ELN: variants seen among roughly 807,000 people sequenced by gnomAD.
ELN encodes tropoelastin.
Under a neutral mutation model 105.8 loss-of-function variants are expected in ELN, and 65 were observed. That is an observed-to-expected ratio of 0.61 (90% CI 0.50 to 0.75). The LOEUF (loss-of-function observed/expected upper bound fraction) is 0.75, where lower values mean the gene tolerates loss of function less well. Ranked by LOEUF, ELN falls within the 30% of genes least tolerant of loss-of-function variation. The pLI is 0.00. For missense variants in ELN, 882 were observed against 969.4 expected (o/e 0.91, Z 1.20); for synonymous variants, 368 against 389.2 (o/e 0.95, Z 0.64).
At chr7:74,039,245 G>A (rs1790633072) in intron 4 of ELN, among the ~76,000 whole-genome samples, 1 of 152,230 alleles carries the variant, frequency 6.6e-6, no homozygotes, top group South Asian at 2.1e-4. Context: ...GAAAGATTTA[G>A]GTTAGACTTC....
At chr7:74,046,134 C>G in intron 10 of ELN, 54 bp from the exon 11 acceptor site, 1 of 1,612,904 alleles carries the variant, frequency 6.2e-7, no homozygotes, top group South Asian at 1.1e-5. Context: ...TTGGTGCTGT[C>G]TGGCCCAGTG....
chr7:74,065,763 T>C, intron 30 of ELN, 31 bp downstream of exon 30: 1 of 1,614,016 alleles, frequency 6.2e-7, no homozygotes, highest in African/African-American at 1.3e-5. Flanking sequence ...TTCCTGCCAG[T>C]GGCCTGCACC....
chr7:74,063,032 G>A lies in ELN; in HGVS notation c.1787-121G>A. The stretch of plus-strand genomic sequence containing the variant: ...AAACAAAATATGGACTGGACTTCCT[G>A]TCCACTGCTCCTCCACAGTGTCACA... On this transcript the variant is annotated intron_variant, in intron 26 of 32. Transcript: ENST00000252034. The surrounding 1 kb of genome is among the most constrained non-coding windows in gnomAD (Gnocchi z 4.1). 3.9e-6 allele frequency: 5 copies of A among 1,267,350 alleles called. No homozygotes were observed. In the South Asian group the frequency reaches 5.5e-5, roughly 14 times the overall value. 78.5% of individuals were successfully genotyped at this position (1,267,350 alleles called of 1,614,324 possible).
intron 17 of ELN, chr7:74,052,649 G>A (rs1794308658): frequency 6.2e-6 from 1 of 161,984 alleles, no homozygotes; most frequent in South Asian, 1.4e-4. Context: ...AAAGAAGGAA[G>A]GAAGGAAGGA....
Position 74,029,720 on chromosome 7 carries a change from G to A in ELN, c.82+1451G>A, listed in dbSNP as rs1037009041. ...GCCTGAAAGCAGCAGCCCCGGGTCCGTCTCAGCCTCCTCCCCAGGTGTAGC... is the reference window on the plus strand; with the variant it reads ...GCCTGAAAGCAGCAGCCCCGGGTCCATCTCAGCCTCCTCCCCAGGTGTAGC... On this transcript the variant is annotated intron_variant, in intron 1 of 32. Coordinates refer to ENST00000252034, the MANE Select transcript of ELN (RefSeq NM_000501.4). Among the ~76,000 whole-genome samples, 8 of 152,350 alleles carry A rather than the reference G, an allele frequency of 5.3e-5. No homozygotes were observed. The South Asian group carries it at 8.3e-4, about 16-fold the overall frequency.
intron 14 of ELN, 90 bp from the exon 15 acceptor site, chr7:74,048,413 G>A: frequency 4.4e-6 from 7 of 1,592,804 alleles, no homozygotes; most frequent in Non-Finnish European, 6.0e-6. Context: ...ACATGTCAGT[G>A]GATTGGCTCT....
Position 74,052,887 on chromosome 7 carries a change from G to GAGAA in ELN, c.950-260_950-257dup, listed in dbSNP as rs542395457. The GAGAA allele has an allele frequency of 8.1e-3, 4,074 of 502,424 alleles. 24 individuals are homozygous for GAGAA. The highest frequency in any genetic ancestry group is 0.011 in the Non-Finnish European group (2,961 of 278,894). The allele number at this position is 502,424 out of a possible 1,614,324, so 31.1% of individuals were successfully genotyped here. A position where few individuals can be genotyped will look rare whatever the true frequency, so the allele number is the denominator to read the frequency against. ...AAAGAAAGAAAGAGAGAGAGAGAGA[G>GAGAA]AGAAAGAAAGAAAGAAAGAGAAAGG... On this transcript the variant is annotated intron_variant, in intron 17 of 32. Transcript: ENST00000252034.
At chr7:74,042,780 C>A (rs1016970286) in intron 6 of ELN, 74 bp downstream of exon 6, 2 of 1,580,660 alleles carry the variant, frequency 1.3e-6, no homozygotes, top group Non-Finnish European at 1.7e-6. Context: ...AAAGAACCTT[C>A]CCTCAACTCA....
chr7:74,042,548 G>A (rs1029664044), intron 5 of ELN, 66 bp from the exon 6 acceptor site: 6 of 1,471,906 alleles, frequency 4.1e-6, no homozygotes, highest in Non-Finnish European at 5.7e-6. Context: ...AGCCAGGCAG[G>A]GCCAGAGCGT....
At chr7:74,057,995 C>T (rs1554681433) in intron 22 of ELN, among the ~76,000 whole-genome samples, 1 of 151,988 alleles carries the variant, frequency 6.6e-6, no homozygotes, top group African/African-American at 2.4e-5. Flanking sequence ...CCTTGAGGGA[C>T]TCCAGTTCTC....
intron 4 of ELN, 97 bp downstream of exon 4, chr7:74,037,836 G>T: frequency 6.5e-7 from 1 of 1,540,924 alleles, no homozygotes; most frequent in South Asian, 1.2e-5. Context: ...CTAGGAACAG[G>T]ACAAGGAAGC....
In ELN at chr7:74,060,282, C is replaced by T. The variant is rs2132311871; in HGVS notation, c.1622-94C>T. 1.9e-6 allele frequency: 3 copies of T among 1,613,938 alleles called. No individual in the cohort carries two copies. In the South Asian group the frequency reaches 3.3e-5, roughly 18 times the overall value. ...GAGGCCGCTGCTTGGATCTGGGCCC[C>T]TTCCTCTGGGACTAGGCTCAGCTCC... On this transcript the variant is annotated intron_variant, in intron 24 of 32. Coordinates refer to ENST00000252034, the MANE Select transcript of ELN (RefSeq NM_000501.4).
chr7:74,067,986 G>GC (rs1234005317), intron 32 of ELN, among the ~76,000 whole-genome samples: 1 of 146,246 alleles, frequency 6.8e-6, no homozygotes, highest in Non-Finnish European at 1.5e-5. Context: ...GTCTGTTCCT[G>GC]CCCCACTCTC....
chr7:74,031,459 A>G (rs884843), intron 1 of ELN, among the ~76,000 whole-genome samples: 63,720 of 151,954 alleles, frequency 0.42, 13,662 homozygotes, highest in Middle Eastern at 0.49. Context: ...ACTCCCTCTC[A>G]CTACTTACAC....
intron 1 of ELN, among the ~76,000 whole-genome samples, chr7:74,034,201 A>G (rs1355252416): frequency 6.6e-6 from 1 of 152,152 alleles, no homozygotes; most frequent in Non-Finnish European, 1.5e-5. Flanking sequence ...ACGCCGTCCT[A>G]TCAGTGTGGG....
chr7:74,051,728 T>G (rs1554676093), intron 15 of ELN, 22 bp from the exon 16 acceptor site: 5 of 1,614,044 alleles, frequency 3.1e-6, no homozygotes, highest in Non-Finnish European at 8.5e-7. Context: ...GAAACTACAT[T>G]GCACTGTCCC....
At chr7:74,042,509 G>A in intron 5 of ELN, 105 bp from the exon 6 acceptor site, 1 of 911,858 alleles carries the variant, frequency 1.1e-6, no homozygotes. Context: ...GAGCGGAAGA[G>A]CCTCCAATGT....
At chr7:74,049,520 A>ACCATTCCTCCATGCAT (rs1793406793) in intron 15 of ELN, among the ~76,000 whole-genome samples, 1 of 131,040 alleles carries the variant, frequency 7.6e-6, no homozygotes, top group African/African-American at 2.9e-5. Flanking sequence ...CATCCATCCA[A>ACCATTCCTCCATGCAT]CCATTCCTCC....
intron 4 of ELN, among the ~76,000 whole-genome samples, chr7:74,038,845 A>T (rs1790536395): frequency 6.6e-6 from 1 of 152,228 alleles, no homozygotes; most frequent in Non-Finnish European, 1.5e-5. Flanking sequence ...GTTGTGAAAC[A>T]CCAGGGCTGG....
Sources: gnomAD v4.1 joint callset for allele counts (sites outside exome capture counted in the v4.1 genomes callset) on GRCh38, gnomAD v4.1.1 for gene constraint, Gnocchi (gnomAD v3.1) non-coding constraint, MANE v1.5 for transcripts, NCBI Gene and HGNC (gene_info 2026-07-23, HGNC 2026-07-21) for gene names.